Variants in ZNF17 observed in about 807,000 individuals in gnomAD.
ZNF17 encodes the protein zinc finger protein 17, also known as zinc finger protein 17 (HPF3, KOX 10).
ZNF17 carries 4 observed loss-of-function variants against 7.7 expected under a neutral mutation model. The observed-to-expected ratio is 0.52, with a 90% CI of 0.26 to 1.20. The LOEUF is 1.20. Ranked by LOEUF, ZNF17 falls within the 50% of genes most tolerant of loss-of-function variation. The pLI is 0.14. For synonymous variants in ZNF17, 249 were observed against 258.8 expected (o/e 0.96, Z 0.36); for missense variants, 738 against 799.5 (o/e 0.92, Z 0.93).
In ZNF17 at chr19:57,421,259, AT is replaced by A. The variant is rs1177982698; in HGVS notation, c.1779del (p.Phe593LeufsTer99). 6.2e-7 allele frequency: 1 copy of A among 1,613,810 alleles called. No homozygotes were observed. Among genetic ancestry groups the A allele is most frequent in the African/African-American group, 1.3e-5 (1 of 74,848 alleles). ...CTTACAAATGCAGCAAATGTGGGAAATTTTTTATGGACAGCTCCACACTCAT... is the reference window on the plus strand; with the variant it reads ...CTTACAAATGCAGCAAATGTGGGAAATTTTTATGGACAGCTCCACACTCAT... ...RTYKCSKCGK[F>X]FMDSSTLISH... On this transcript the variant is annotated frameshift_variant, in exon 4 of 4. Coordinates refer to ENST00000307658, the MANE Select transcript of ZNF17 (RefSeq NM_001330617.2). LOFTEE classifies it low-confidence loss of function (END_TRUNC).
chr19:57,419,582 G>C (rs1052384101), intron 3 of ZNF17, 53 bp from the exon 4 acceptor site: 1 of 1,548,164 alleles, frequency 6.5e-7, no homozygotes, highest in Non-Finnish European at 8.8e-7. Flanking sequence ...TTGTTATGGG[G>C]CTGCCTCTTC....
At position 57,420,864 on chromosome 19, in the gene ZNF17, A is replaced by G; in HGVS notation, c.1378A>G (p.Asn460Asp). 1 of 1,614,192 alleles carries G rather than the reference A, an allele frequency of 6.2e-7. No individual in the cohort carries two copies. Residue 460 changes from asparagine to aspartate, a missense_variant, in exon 4 of 4, where the codon AAT (asparagine) becomes GAT (aspartate). Asn to Asp is a conservative substitution (Grantham distance 23). Coordinates refer to ENST00000307658, the MANE Select transcript of ZNF17 (RefSeq NM_001330617.2). ...ATTCTTTAGGTATTGCTTCACACTG[A>G]ATAGACATCAGAGAGTTCACTCTGG... The part of the protein sequence containing the change: ...GKFFRYCFTL[N>D]RHQRVHSGER...
chr19:57,417,947 C>A lies in ZNF17; in HGVS notation c.57C>A (p.Phe19Leu). ...TTTTTGAGGACGTGGCCATACATTT[C>A]TCCCAGGAGGAGTGGGGAATTCTTA... ...YMVFEDVAIH[F>L]SQEEWGILND... Residue 19 changes from phenylalanine to leucine, a missense_variant, in exon 3 of 4, where the codon TTC becomes TTA. Physicochemically the swap from Phe to Leu is conservative, Grantham distance 22. Around this residue, in one of 3 missense-constraint regions of ZNF17, gnomAD observed 616 missense variants for 663.9 expected, o/e 0.93. Coordinates refer to ENST00000307658, the MANE Select transcript of ZNF17 (RefSeq NM_001330617.2). The A allele has an allele frequency of 6.2e-7, 1 of 1,613,688 alleles. No individual in the cohort carries two copies. Among genetic ancestry groups the A allele is most frequent in the Non-Finnish European group, 8.5e-7 (1 of 1,179,874 alleles).
chr19:57,421,030 T>A lies in ZNF17; in HGVS notation c.1544T>A (p.Leu515His), dbSNP rs753347817. Reference protein sequence around the residue: ...CGKSFRCRSTLDTHQRIHTGE... With the variant: ...CGKSFRCRSTHDTHQRIHTGE... ...AAATCCTTTAGATGTCGCTCCACACTTGATACACATCAGAGAATTCACACT... is the reference window on the plus strand; with the variant it reads ...AAATCCTTTAGATGTCGCTCCACACATGATACACATCAGAGAATTCACACT... The change falls in exon 4 of 4, where the codon CTT (leucine) becomes CAT (histidine). Residue 515 changes from leucine to histidine, a missense_variant. Leu to His is a moderately conservative substitution (Grantham distance 99). Around this residue, in one of 3 missense-constraint regions of ZNF17, gnomAD observed 616 missense variants for 663.9 expected, o/e 0.93. Transcript: ENST00000307658. 1.9e-6 allele frequency: 3 copies of A among 1,614,168 alleles called. No individual in the cohort carries two copies. In the East Asian group the frequency reaches 6.7e-5, roughly 36 times the overall value.
rs78529465 is a variant in ZNF17 at position 57,419,894 on chromosome 19, G to A, written c.408G>A (p.Ser136=). The A allele has an allele frequency of 6.4e-3, 10,324 of 1,614,206 alleles. 47 individuals are homozygous for A. Among genetic ancestry groups the A allele is most frequent in the Non-Finnish European group, 8.0e-3 (9,440 of 1,180,034 alleles). ...CCAGAAGTGATGAAGGGAGGCCTTC[G>A]TTTGTGAATGACAGTGTTCACCTGG... ...KLTRSDEGRP[S]FVNDSVHLAK... is the part of the protein sequence containing the mutation. The change falls in exon 4 of 4, where the codon TCG becomes TCA. Residue 136 remains serine (S), a synonymous_variant. Transcript: ENST00000307658.
intron 2 of ZNF17, among the ~76,000 whole-genome samples, chr19:57,417,279 G>A (rs1001170822): frequency 2.0e-5 from 3 of 152,066 alleles, no homozygotes; most frequent in African/African-American, 7.2e-5. Flanking sequence ...TGGGGTTTTG[G>A]CTGGAAAGGC....
Position 57,411,305 on chromosome 19 carries a change from T to G in ZNF17, c.-122T>G. ...CTAGAGTGAGGCTCGGTTGAATCGG[T>G]TGCAGGCGTTGGTGCCTCTGTCAGC... On this transcript the variant is annotated 5_prime_UTR_variant, in exon 1 of 4. Coordinates refer to ENST00000307658, the MANE Select transcript of ZNF17 (RefSeq NM_001330617.2). 1 of 1,553,554 alleles carries G rather than the reference T, an allele frequency of 6.4e-7. No homozygotes were observed. Among genetic ancestry groups the G allele is most frequent in the Non-Finnish European group, 8.7e-7 (1 of 1,146,794 alleles).
intron 2 of ZNF17, among the ~76,000 whole-genome samples, chr19:57,414,713 C>CTT (rs567091200): frequency 8.0e-5 from 11 of 136,964 alleles, no homozygotes; most frequent in Admixed American, 1.5e-4. Context: ...GACCTAGATT[C>CTT]TTTTTTTTTT....
intron 1 of ZNF17, among the ~76,000 whole-genome samples, chr19:57,412,405 T>G (rs1041723225): frequency 6.6e-6 from 1 of 152,070 alleles, no homozygotes; most frequent in Non-Finnish European, 1.5e-5. Flanking sequence ...ACCTGCTTGC[T>G]TATCCCCTCC....
At chr19:57,414,598 G>T (rs926189893) in intron 2 of ZNF17, among the ~76,000 whole-genome samples, 13 of 152,066 alleles carry the variant, frequency 8.5e-5, no homozygotes, top group Non-Finnish European at 1.3e-4. Context: ...GCCTCCCAAA[G>T]TGCTGGGATT....
chr19:57,421,314 A>G lies in ZNF17; in HGVS notation c.1828A>G (p.Lys610Glu), dbSNP rs765131557. ...TCATGAGAGAGTTCATACTGGAGAA[A>G]AGCCTTATGAGTGCAGTGAATGTGG... ...ISHERVHTGE[K>E]PYECSECGKV... Residue 610 changes from lysine to glutamate, a missense_variant, in exon 4 of 4, where the codon AAG (lysine) becomes GAG (glutamate). Coordinates refer to ENST00000307658, the MANE Select transcript of ZNF17 (RefSeq NM_001330617.2). 6 of 1,614,158 alleles carry G rather than the reference A, an allele frequency of 3.7e-6. No homozygotes were observed. In the East Asian group the frequency reaches 1.3e-4, roughly 36 times the overall value.
At position 57,420,951 on chromosome 19, in the gene ZNF17, AGTC is replaced by A; in HGVS notation, c.1466_1468del (p.Ser489_His490delinsAsn). 4 of 1,614,134 alleles carry A rather than the reference AGTC, an allele frequency of 2.5e-6. No individual in the cohort carries two copies. The highest frequency in any genetic ancestry group is 3.4e-6 in the Non-Finnish European group (4 of 1,180,000). On this transcript the variant is annotated inframe_deletion, in exon 4 of 4. Coordinates refer to ENST00000307658, the MANE Select transcript of ZNF17 (RefSeq NM_001330617.2). ...CTTTGTGGACAGCTGTACACTGAAG[AGTC>A]ATCAGAGAGTTCACACTGGAGAAAG...
rs553826255 is a variant in ZNF17 at position 57,421,773 on chromosome 19, C to T, written c.*292C>T. The T allele has an allele frequency of 7.3e-4, 201 of 273,708 alleles. No homozygotes were observed. The highest frequency in any genetic ancestry group is 3.4e-3 in the African/African-American group (157 of 45,710). 17.0% of individuals were successfully genotyped at this position (273,708 alleles called of 1,614,324 possible). A position where few individuals can be genotyped will look rare whatever the true frequency, so the allele number is the denominator to read the frequency against. ...CCGCTCTGTATGAATTTTACTAGTC[C>T]GGGTACCTCATATAAGAAAACTTAA... is the stretch of plus-strand genomic sequence containing the variant. On this transcript the variant is annotated 3_prime_UTR_variant, in exon 4 of 4. Transcript: ENST00000307658.
At chr19:57,411,537 C>T in intron 1 of ZNF17, 131 bp downstream of exon 1, 1 of 1,461,124 alleles carries the variant, frequency 6.8e-7, no homozygotes, top group South Asian at 1.4e-5. Context: ...CCGGTGTCCG[C>T]GGTGCTGTGA....
intron 1 of ZNF17, among the ~76,000 whole-genome samples, chr19:57,412,000 A>C (rs560391346): frequency 6.6e-6 from 1 of 152,182 alleles, no homozygotes; most frequent in Non-Finnish European, 1.5e-5. Context: ...CTTAGGGAGC[A>C]GGTTTCAGAG....
At chr19:57,415,206 A>T (rs548169150) in intron 2 of ZNF17, among the ~76,000 whole-genome samples, 8 of 152,146 alleles carry the variant, frequency 5.3e-5, no homozygotes, top group African/African-American at 1.9e-4. Flanking sequence ...AGAGCTGCTC[A>T]CATTTTTTGA....
rs778614996 is a variant in ZNF17, at chr19:57,420,945, C to T, written c.1459C>T (p.Leu487=). ...CAAATTCTTTGTGGACAGCTGTACA[C>T]TGAAGAGTCATCAGAGAGTTCACAC... is the stretch of plus-strand genomic sequence containing the variant. ...CGKFFVDSCT[L]KSHQRVHTGE... is the part of the protein sequence containing the mutation. The change falls in exon 4 of 4, where the codon CTG becomes TTG. Residue 487 remains leucine (L), a synonymous_variant. Transcript: ENST00000307658. The T allele has an allele frequency of 1.7e-5, 28 of 1,614,006 alleles. No homozygotes were observed. In the Admixed American group the frequency reaches 4.7e-4, roughly 27 times the overall value.
chr19:57,417,941 A>C lies in ZNF17; in HGVS notation c.51A>C (p.Ile17=). ...ATATGGTTTTTGAGGACGTGGCCAT[A>C]CATTTCTCCCAGGAGGAGTGGGGAA... ...QDYMVFEDVA[I]HFSQEEWGIL... Residue 17 remains isoleucine, a synonymous_variant, in exon 3 of 4, where the codon ATA becomes ATC. Coordinates refer to ENST00000307658, the MANE Select transcript of ZNF17 (RefSeq NM_001330617.2). 1 of 1,614,062 alleles carries C rather than the reference A, an allele frequency of 6.2e-7. No individual in the cohort carries two copies. Among genetic ancestry groups the C allele is most frequent in the Non-Finnish European group, 8.5e-7 (1 of 1,180,018 alleles).
intron 2 of ZNF17, among the ~76,000 whole-genome samples, chr19:57,416,472 CAAAAG>C (rs987847279): frequency 5.9e-5 from 9 of 151,866 alleles, no homozygotes; most frequent in Non-Finnish European, 1.0e-4. Flanking sequence ...AATTGAGTGA[CAAAAG>C]AAAGGTAGGC....
Sources: gnomAD v4.1 joint callset for allele counts (sites outside exome capture counted in the v4.1 genomes callset) on GRCh38, gnomAD v4.1.1 for gene constraint, gnomAD v4.1.1 regional missense constraint, MANE v1.5 for transcripts, NCBI Gene and HGNC (gene_info 2026-07-23, HGNC 2026-07-21) for gene names.